FHOD3: variants seen among roughly 807,000 people sequenced by gnomAD.
FHOD3 encodes the protein FH1/FH2 domain-containing protein 3.
FHOD3 carries 90 observed loss-of-function variants against 173.0 expected under a neutral mutation model. The observed-to-expected ratio is 0.52, with a 90% CI of 0.44 to 0.62. The LOEUF (loss-of-function observed/expected upper bound fraction) is 0.62. Among genes scored for constraint, FHOD3 ranks in the 20% least tolerant of loss-of-function variants. The pLI, the probability that FHOD3 is intolerant of heterozygous loss-of-function variation, is 0.00. For synonymous variants in FHOD3, 828 were observed against 823.0 expected, an observed-to-expected ratio of 1.01 and a Z score of -0.10; for missense variants, 1,945 against 2,034.7, an observed-to-expected ratio of 0.96 and a Z score of 0.85.
At chr18:36,631,941 G>A (rs892585383) in intron 10 of FHOD3, among the ~76,000 whole-genome samples, 2 of 152,082 alleles carry the variant, frequency 1.3e-5, no homozygotes, top group Admixed American at 6.5e-5. Context: ...TATTGCTAAT[G>A]TTCCAATATA....
At position 36,361,125 on chromosome 18, in the gene FHOD3, C is replaced by G. The variant is rs534571478; in HGVS notation, c.272+5480C>G. Reference sequence around the variant, plus strand: ...GAGGGTGCAGGTGTGTTGGCTGAAGCCTTGTGGCTAATCAGTGACAGGTTC... The same window carrying G: ...GAGGGTGCAGGTGTGTTGGCTGAAGGCTTGTGGCTAATCAGTGACAGGTTC... On this transcript the variant is annotated intron_variant, in intron 2 of 28. Transcript: ENST00000590592. Among the ~76,000 whole-genome samples the G allele has an allele frequency of 3.4e-4, 52 of 152,066 alleles. No individual in the cohort carries two copies. In the South Asian group the frequency reaches 8.3e-3, roughly 24 times the overall value.
rs920475294 is a variant in FHOD3, at chr18:36,365,028, C to T, written c.273-7652C>T. 5.9e-5 allele frequency among the ~76,000 whole-genome samples: 9 copies of T among 152,084 alleles called. No individual in the cohort carries two copies. The South Asian group carries it at 8.3e-4, about 14-fold the overall frequency. On this transcript the variant is annotated intron_variant, in intron 2 of 28. Coordinates refer to ENST00000590592, the MANE Select transcript of FHOD3 (RefSeq NM_001281740.3). ...AAGGGCTGTGTCCCATCACAGGGTA[C>T]GTGAGGGTGGAAGACAAGAGAATGA...
At chr18:36,596,348 T>TAG (rs1352676745) in intron 7 of FHOD3, among the ~76,000 whole-genome samples, 36 of 139,238 alleles carry the variant, frequency 2.6e-4, no homozygotes, top group African/African-American at 8.8e-4. Context: ...TTTTTTTTTT[T>TAG]TTTTTTTAGT....
chr18:36,340,142 AATAACAT>A (rs1335242981), intron 1 of FHOD3, among the ~76,000 whole-genome samples: 2 of 152,264 alleles, frequency 1.3e-5, no homozygotes, highest in Non-Finnish European at 2.9e-5. Context: ...AATATAAAGC[AATAACAT>A]ATTAAAAGTC....
At chr18:36,744,433 GCCATCCCATTCCTAAACC>G (rs2042052621) in intron 23 of FHOD3, among the ~76,000 whole-genome samples, 1 of 152,244 alleles carries the variant, frequency 6.6e-6, no homozygotes, top group African/African-American at 2.4e-5. Context: ...AGGCAAGCCT[GCCATCCCATTCCTAAACC>G]CTGCGTCCAC....
At chr18:36,405,311 G>T (rs1319629806) in intron 3 of FHOD3, among the ~76,000 whole-genome samples, 1 of 152,190 alleles carries the variant, frequency 6.6e-6, no homozygotes, top group Non-Finnish European at 1.5e-5. Context: ...ATGTTGAAGA[G>T]GTTCGATTCC....
chr18:36,742,199 C>G (rs564668551), intron 21 of FHOD3, among the ~76,000 whole-genome samples: 11 of 152,180 alleles, frequency 7.2e-5, no homozygotes, highest in African/African-American at 2.6e-4. Flanking sequence ...GGCTACAGAG[C>G]AGGCTGGAGG....
chr18:36,686,289 T>A (rs2038612261), intron 15 of FHOD3, among the ~76,000 whole-genome samples: 1 of 151,832 alleles, frequency 6.6e-6, no homozygotes, highest in African/African-American at 2.4e-5. Context: ...AGGAATGAGA[T>A]CACATCCTTC....
At chr18:36,539,409 C>T (rs922799868) in intron 5 of FHOD3, among the ~76,000 whole-genome samples, 1 of 152,138 alleles carries the variant, frequency 6.6e-6, no homozygotes, top group East Asian at 1.9e-4. Context: ...GGTGCAGATG[C>T]CAAAACCAAG....
chr18:36,374,104 C>T (rs1223870070), intron 3 of FHOD3, among the ~76,000 whole-genome samples: 1 of 152,214 alleles, frequency 6.6e-6, no homozygotes, highest in Non-Finnish European at 1.5e-5. Flanking sequence ...TGAAAATGAG[C>T]TCAATCCAAA....
intron 3 of FHOD3, among the ~76,000 whole-genome samples, chr18:36,412,109 G>T (rs1247485759): frequency 6.6e-6 from 1 of 152,220 alleles, no homozygotes; most frequent in Non-Finnish European, 1.5e-5. Flanking sequence ...TCCCACGCAG[G>T]CAGGAAGGGG....
At chr18:36,302,018 A>G (rs893529939) in intron 1 of FHOD3, among the ~76,000 whole-genome samples, 15 of 152,234 alleles carry the variant, frequency 9.9e-5, no homozygotes, top group African/African-American at 3.6e-4. Context: ...TCGAGGGCCA[A>G]GTACTGATAC....
chr18:36,618,322 T>A lies in FHOD3; in HGVS notation c.957+6227T>A, dbSNP rs1371864872. On this transcript the variant is annotated intron_variant, in intron 9 of 28. Coordinates refer to ENST00000590592, the MANE Select transcript of FHOD3 (RefSeq NM_001281740.3). ...GATGTTTTTTGGTGGTTTTTTTTTT[T>A]TTTTTTTTTTTGAGATGGAGTTTCA... is the stretch of plus-strand genomic sequence containing the variant. Among the ~76,000 whole-genome samples the A allele has an allele frequency of 1.4e-5, 2 of 142,922 alleles. 1 individual carries two copies. Among genetic ancestry groups the A allele is most frequent in the South Asian group, 4.6e-4 (2 of 4,368 alleles). The allele number at this position is 142,922 out of a possible 152,430, so 93.8% of individuals were successfully genotyped here.
At chr18:36,716,010 G>T (rs1049973558) in intron 18 of FHOD3, among the ~76,000 whole-genome samples, 2 of 152,366 alleles carry the variant, frequency 1.3e-5, no homozygotes, top group African/African-American at 2.4e-5. Flanking sequence ...GGGAGTGTTG[G>T]TGGTGGTGTG....
chr18:36,482,830 C>T (rs1462741342), intron 3 of FHOD3, among the ~76,000 whole-genome samples: 1 of 75,550 alleles, frequency 1.3e-5, no homozygotes, highest in Non-Finnish European at 2.4e-5. Flanking sequence ...CAAACACACA[C>T]ACACACACAC....
chr18:36,594,969 A>C, intron 7 of FHOD3, 71 bp downstream of exon 7: 2 of 958,750 alleles, frequency 2.1e-6, no homozygotes, highest in East Asian at 2.6e-5. Flanking sequence ...TGTGTTGTAC[A>C]TGCTTGAGAC....
At chr18:36,313,152 C>T (rs145678204) in intron 1 of FHOD3, among the ~76,000 whole-genome samples, 347 of 152,298 alleles carry the variant, frequency 2.3e-3, no homozygotes, top group Non-Finnish European at 2.4e-3. Flanking sequence ...GGGTGCTGCT[C>T]TCCCTATCTA....
At chr18:36,578,201 A>G (rs915484265) in intron 6 of FHOD3, among the ~76,000 whole-genome samples, 2 of 152,198 alleles carry the variant, frequency 1.3e-5, no homozygotes, top group Non-Finnish European at 2.9e-5. Flanking sequence ...TTTATAAAGG[A>G]AAGAGGTTTA....
chr18:36,645,879 T>C (rs897986902), intron 10 of FHOD3, among the ~76,000 whole-genome samples: 1 of 152,152 alleles, frequency 6.6e-6, no homozygotes, highest in African/African-American at 2.4e-5. Context: ...GAAAGGCATT[T>C]GACAGAACTT....
Sources: gnomAD v4.1 joint callset for allele counts (sites outside exome capture counted in the v4.1 genomes callset) on GRCh38, gnomAD v4.1.1 for gene constraint, MANE v1.5 for transcripts, NCBI Gene and HGNC (gene_info 2026-07-23, HGNC 2026-07-21) for gene names.